Variants in RPL7A observed in about 807,000 individuals in gnomAD.
The protein encoded by RPL7A is large ribosomal subunit protein eL8.
For missense variants in RPL7A, 291 were observed against 338.2 expected, an observed-to-expected ratio of 0.86 and a Z score of 1.09; for synonymous variants, 158 against 128.2, an observed-to-expected ratio of 1.23 and a Z score of -1.57.
chr9:133,348,308 C>T lies in RPL7A; in HGVS notation c.3+62C>T, dbSNP rs1564342555. 1.1e-5 allele frequency: 18 copies of T among 1,612,614 alleles called. No individual in the cohort carries two copies. In the East Asian group the frequency reaches 2.5e-4, roughly 22 times the overall value. On this transcript the variant is annotated intron_variant, in intron 1 of 7. Transcript: ENST00000323345. The stretch of plus-strand genomic sequence containing the variant: ...TTCCGGCTGTATCCGCTGCCATCCT[C>T]CTCCAGGCGCGGCCTCGGAGGGCCT...
rs982167192 is a variant in RPL7A at position 133,348,559 on chromosome 9, C to T, written c.3+313C>T. The T allele has an allele frequency of 8.4e-6, 5 of 593,700 alleles. No individual in the cohort carries two copies. In the African/African-American group the frequency reaches 9.3e-5, roughly 11 times the overall value. The allele number at this position is 593,700 out of a possible 1,614,324, so 36.8% of individuals were successfully genotyped here. A position where few individuals can be genotyped will look rare whatever the true frequency, so the allele number is the denominator to read the frequency against. On this transcript the variant is annotated intron_variant, in intron 1 of 7. Transcript: ENST00000323345. ...AGCGTCTCTCGGGCTTGCTGGGGGC[C>T]GCTCCAGAGGCCTTGTGAGCGACGA...
chr9:133,350,473 TCTCA>T (rs2129993982), intron 5 of RPL7A, 120 bp from the exon 6 acceptor site: 46 of 1,541,694 alleles, frequency 3.0e-5, no homozygotes, highest in Non-Finnish European at 4.1e-5. Context: ...GATGTGAATC[TCTCA>T]CTGAATTCAA....
rs2129994894 is a variant in RPL7A, at chr9:133,350,586, C to G, written c.496-11C>G. 6.2e-7 allele frequency: 1 copy of G among 1,614,004 alleles called. No individual in the cohort carries two copies. Among genetic ancestry groups the G allele is most frequent in the Non-Finnish European group, 8.5e-7 (1 of 1,179,888 alleles). ...GTCAAAATACAGTCTTCAGCTAATG[C>G]TTTCTTCCAGCTGGTTGTCTTCTTG... is the stretch of plus-strand genomic sequence containing the variant. On this transcript the variant is annotated splice_polypyrimidine_tract_variant and intron_variant, in intron 5 of 7. Transcript: ENST00000323345.
intron 1 of RPL7A, 48 bp from the exon 2 acceptor site, chr9:133,348,874 C>G (rs2129981740): frequency 1.2e-6 from 2 of 1,612,882 alleles, no homozygotes; most frequent in Non-Finnish European, 1.7e-6. Flanking sequence ...CTACCCCCGA[C>G]GAAGCGAGTG....
chr9:133,349,178 G>C (rs1217486034), intron 2 of RPL7A, 136 bp downstream of exon 2: 3 of 1,051,202 alleles, frequency 2.9e-6, no homozygotes, highest in Admixed American at 2.0e-5. Flanking sequence ...TTAGAGACGG[G>C]GGCAATGATA....
At chr9:133,349,814 T>A in intron 3 of RPL7A, 98 bp from the exon 4 acceptor site, 6 of 1,578,764 alleles carry the variant, frequency 3.8e-6, no homozygotes, top group Non-Finnish European at 5.2e-6. Flanking sequence ...TAAATTATAG[T>A]CATATAGCAG....
chr9:133,349,904 T>G lies in RPL7A; in HGVS notation c.275-8T>G, dbSNP rs200424390. The G allele has an allele frequency of 8.8e-4, 1,423 of 1,611,020 alleles. 6 individuals are homozygous for G. Among genetic ancestry groups the G allele is most frequent in the Non-Finnish European group, 1.0e-3 (1,221 of 1,179,786 alleles). On this transcript the variant is annotated splice_polypyrimidine_tract_variant and splice_region_variant and intron_variant, in intron 3 of 7. Transcript: ENST00000323345. ...ACTCCAAGCCTAAACTGAAGAGTGT[T>G]TTTCCAGCTACTCAGCTGCTTAAGC...
intron 6 of RPL7A, 39 bp downstream of exon 6, chr9:133,350,766 A>G (rs1836375656): frequency 6.2e-7 from 1 of 1,607,874 alleles, no homozygotes; most frequent in African/African-American, 1.3e-5. Context: ...CCCCCAGTTC[A>G]TTTAATCCAT....
chr9:133,349,980 T>C lies in RPL7A; in HGVS notation c.343T>C (p.Leu115=), dbSNP rs1588685438. 6.2e-7 allele frequency: 1 copy of C among 1,612,446 alleles called. No individual in the cohort carries two copies. The part of the protein sequence containing the change: ...ETKQEKKQRL[L]ARAEKKAAGK... ...AAAGCAAGAGAAGAAGCAGAGACTG[T>C]TGGCCCGGGCCGAGAAGAAGGCTGC... is the stretch of plus-strand genomic sequence containing the variant. Residue 115 remains leucine (L), a synonymous_variant, in exon 4 of 8, where the codon TTG becomes CTG. Transcript: ENST00000323345.
intron 5 of RPL7A, 115 bp from the exon 6 acceptor site, chr9:133,350,482 A>G: frequency 6.4e-7 from 1 of 1,568,818 alleles, no homozygotes; most frequent in Non-Finnish European, 8.8e-7. Context: ...CTCTCACTGA[A>G]TTCAACCTTG....
At position 133,350,725 on chromosome 9, in the gene RPL7A, C is replaced by G; in HGVS notation, c.624C>G (p.Asn208Lys). ...CCACTGTCGCCTTCACACAGGTGAA[C>G]TCGTAAGTACACAGCCTGGCCCCAA... ...TCTTVAFTQV[N>K]SEDKGALAKL... is the part of the protein sequence containing the mutation. Residue 208 changes from asparagine (N) to lysine (K), a missense_variant and splice_region_variant, in exon 6 of 8, where the codon AAC becomes AAG. By Grantham distance (94) the Asn-to-Lys change is moderately conservative. Coordinates refer to ENST00000323345, the MANE Select transcript of RPL7A (RefSeq NM_000972.3). The G allele has an allele frequency of 6.2e-7, 1 of 1,613,494 alleles. No homozygotes were observed. Among genetic ancestry groups the G allele is most frequent in the South Asian group, 1.1e-5 (1 of 91,072 alleles).
intron 1 of RPL7A, chr9:133,348,689 C>T (rs1197883336): frequency 2.8e-6 from 2 of 721,856 alleles, no homozygotes; most frequent in Admixed American, 4.1e-5. Context: ...AGAGCGTGGT[C>T]TCGGGCTTAG....
At chr9:133,351,105 T>G (rs2129998141) in intron 7 of RPL7A, 34 bp downstream of exon 7, 1 of 1,602,550 alleles carries the variant, frequency 6.2e-7, no homozygotes, top group South Asian at 1.1e-5. Flanking sequence ...ATACTGTCAT[T>G]CACAAATCTT....
chr9:133,348,852 C>G (rs1482343805), intron 1 of RPL7A, 70 bp from the exon 2 acceptor site: 1 of 1,611,668 alleles, frequency 6.2e-7, no homozygotes. Context: ...TTTGGAGGAG[C>G]CAGCCTGAGC....
At position 133,349,584 on chromosome 9, in the gene RPL7A, G is replaced by A. The variant is rs1836324420; in HGVS notation, c.158G>A (p.Arg53His). The change falls in exon 3 of 8, where the codon CGC (arginine) becomes CAC (histidine). Residue 53 changes from arginine (R) to histidine (H), a missense_variant. Arg to His is a conservative substitution (Grantham distance 29). Coordinates refer to ENST00000323345, the MANE Select transcript of RPL7A (RefSeq NM_000972.3). ...ATCCAGCCCAAAAGAGACCTCACCC[G>A]CTTTGTGAAATGGCCCCGCTATATC... The part of the protein sequence containing the change: ...QDIQPKRDLT[R>H]FVKWPRYIRL... 4 of 1,614,010 alleles carry A rather than the reference G, an allele frequency of 2.5e-6. No homozygotes were observed. The highest frequency in any genetic ancestry group is 2.5e-6 in the Non-Finnish European group (3 of 1,179,980).
chr9:133,348,811 A>G, intron 1 of RPL7A, 111 bp from the exon 2 acceptor site: 2 of 1,544,716 alleles, frequency 1.3e-6, no homozygotes, highest in South Asian at 1.1e-5. Context: ...TCGCCAGCTT[A>G]GTTCAGGCAG....
intron 1 of RPL7A, chr9:133,348,719 G>A (rs2129980332): frequency 1.2e-6 from 1 of 812,836 alleles, no homozygotes; most frequent in Non-Finnish European, 2.1e-6. Context: ...GGCCACTCGG[G>A]GTTCCCGGGG....
In RPL7A at chr9:133,350,283, G is replaced by A; in HGVS notation, c.459G>A (p.Gln153=). The change falls in exon 5 of 8, where the codon CAG becomes CAA. Residue 153 remains glutamine, a synonymous_variant. Transcript: ENST00000323345. ...CCTTGGTGGAGAACAAGAAAGCTCA[G>A]CTGGTGGTGATTGCACACGACGTGG... The part of the protein sequence containing the change: ...VTTLVENKKA[Q]LVVIAHDVDP... 6.2e-7 allele frequency: 1 copy of A among 1,614,054 alleles called. No homozygotes were observed. The highest frequency in any genetic ancestry group is 8.5e-7 in the Non-Finnish European group (1 of 1,180,022).
rs2130000104 is a variant in RPL7A, at chr9:133,351,412, A to G, written c.*46A>G. On this transcript the variant is annotated 3_prime_UTR_variant, in exon 8 of 8. Coordinates refer to ENST00000323345, the MANE Select transcript of RPL7A (RefSeq NM_000972.3). Reference sequence around the variant, plus strand: ...TGTACATAAAAATAATTGAAATAATACAAATTTTCCTTCAGCCAGTGTCTG... The same window carrying G: ...TGTACATAAAAATAATTGAAATAATGCAAATTTTCCTTCAGCCAGTGTCTG... The G allele has an allele frequency of 5.0e-6, 7 of 1,397,636 alleles. No homozygotes were observed. The highest frequency in any genetic ancestry group is 5.0e-6 in the Non-Finnish European group (5 of 1,002,954). 86.6% of individuals were successfully genotyped at this position (1,397,636 alleles called of 1,614,324 possible).
Sources: gnomAD v4.1 joint callset for allele counts on GRCh38, gnomAD v4.1.1 for gene constraint, MANE v1.5 for transcripts, NCBI Gene and HGNC (gene_info 2026-07-23, HGNC 2026-07-21) for gene names.